The following C11orf58 variants were observed in gnomAD, a reference collection of about 807,000 sequenced individuals.
C11orf58 encodes the protein chromosome 11 open reading frame 58.
In C11orf58, 5 loss-of-function variants were observed where a neutral mutation model predicts 22.7. The observed-to-expected ratio is 0.22, with a 90% CI of 0.12 to 0.46. The LOEUF (loss-of-function observed/expected upper bound fraction) is 0.46. C11orf58 is among the 20% of genes least tolerant of loss of function. C11orf58 has a pLI of 0.99. For missense variants in C11orf58, 151 were observed against 223.3 expected, an observed-to-expected ratio of 0.68 and a Z score of 2.06; for synonymous variants, 71 against 70.7, an observed-to-expected ratio of 1.00 and a Z score of -0.02.
chr11:16,754,513 T>C (rs1420128050), intron 4 of C11orf58, among the ~76,000 whole-genome samples: 1 of 63,284 alleles, frequency 1.6e-5, no homozygotes, highest in South Asian at 3.6e-4. Flanking sequence ...TTCTTTTTTC[T>C]TTTTTTTTTT....
rs1159434088 is a variant in C11orf58, at chr11:16,738,808, T to C, written c.30T>C (p.His10=). ...GTGCTGCCAGAGAGTCTCACCCGCA[T>C]GGGGTGAAGCGTTCAGCCTCCCCAG... MSAARESHP[H]GVKRSASPDD... The change falls in exon 1 of 5, where the codon CAT becomes CAC. Residue 10 remains histidine (H), a synonymous_variant. Transcript: ENST00000228136. 5 of 1,613,954 alleles carry C rather than the reference T, an allele frequency of 3.1e-6. No homozygotes were observed. The South Asian group carries it at 4.4e-5, about 14-fold the overall frequency.
At chr11:16,743,166 GGT>G (rs922312063) in intron 1 of C11orf58, among the ~76,000 whole-genome samples, 1 of 151,990 alleles carries the variant, frequency 6.6e-6, no homozygotes, top group African/African-American at 2.4e-5. Flanking sequence ...TGATAAATTC[GGT>G]GAATATTTTT....
intron 2 of C11orf58, among the ~76,000 whole-genome samples, chr11:16,745,167 G>C (rs1046105836): frequency 6.6e-6 from 1 of 152,162 alleles, no homozygotes; most frequent in African/African-American, 2.4e-5. Flanking sequence ...TTTGTTACTA[G>C]ATAGAGAAGT....
intron 1 of C11orf58, among the ~76,000 whole-genome samples, chr11:16,743,696 A>C (rs932886224): frequency 6.6e-6 from 1 of 152,238 alleles, no homozygotes; most frequent in South Asian, 2.1e-4. Context: ...TGATGATGAA[A>C]TACTTTGGAC....
intron 1 of C11orf58, among the ~76,000 whole-genome samples, chr11:16,741,113 AT>A (rs1241932928): frequency 3.4e-5 from 5 of 146,358 alleles, no homozygotes; most frequent in Non-Finnish European, 6.1e-5. Flanking sequence ...AAAAAAAAAA[AT>A]CTAGTTATAA....
At position 16,758,254 on chromosome 11, in the gene C11orf58, T is replaced by C. The variant is rs1351082855; in HGVS notation, c.*3150T>C. ...TGGAAAATTCCCAGCCCTAGATGTA[T>C]CCAAGCCCTCCTACCCTCACCAGTT... On this transcript the variant is annotated 3_prime_UTR_variant, in exon 5 of 5. Transcript: ENST00000228136. Among the ~76,000 whole-genome samples the C allele has an allele frequency of 6.6e-6, 1 of 152,142 alleles. No homozygotes were observed. The highest frequency in any genetic ancestry group is 2.4e-5 in the African/African-American group (1 of 41,412).
At chr11:16,743,353 G>T (rs896574153) in intron 1 of C11orf58, among the ~76,000 whole-genome samples, 1 of 152,148 alleles carries the variant, frequency 6.6e-6, no homozygotes, top group Non-Finnish European at 1.5e-5. Context: ...ATTGCAAGAT[G>T]AAGTCCTTCC....
At chr11:16,739,732 G>A (rs1419289523) in intron 1 of C11orf58, 1 of 152,198 alleles carries the variant, frequency 6.6e-6, no homozygotes, top group Non-Finnish European at 1.5e-5. Flanking sequence ...GGGGAAAATT[G>A]TTGGAGAGAG....
At chr11:16,752,610 A>G in intron 3 of C11orf58, 175 bp from the exon 4 acceptor site, 1 of 410,638 alleles carries the variant, frequency 2.4e-6, no homozygotes, top group Non-Finnish European at 4.3e-6. Context: ...CTATCTCAAC[A>G]TCAGGCATTT....
Position 16,755,235 on chromosome 11 carries a change from G to A in C11orf58, c.*131G>A, listed in dbSNP as rs1376263898. 1.8e-6 allele frequency: 2 copies of A among 1,114,744 alleles called. No individual in the cohort carries two copies. Among genetic ancestry groups the A allele is most frequent in the Non-Finnish European group, 2.5e-6 (2 of 786,820 alleles). The allele number at this position is 1,114,744 out of a possible 1,614,324, so 69.1% of individuals were successfully genotyped here. A position where few individuals can be genotyped will look rare whatever the true frequency, so the allele number is the denominator to read the frequency against. ...GCCCTTTTAAATAATTACAAAGAGT[G>A]TTTGCTTTCAAATGCCATGGGTTAC... is the stretch of plus-strand genomic sequence containing the variant. On this transcript the variant is annotated 3_prime_UTR_variant, in exon 5 of 5. Coordinates refer to ENST00000228136, the MANE Select transcript of C11orf58 (RefSeq NM_014267.6).
In C11orf58 at chr11:16,758,099, C is replaced by T. The variant is rs1848596000; in HGVS notation, c.*2995C>T. Among the ~76,000 whole-genome samples, 1 of 152,222 alleles carries T rather than the reference C, an allele frequency of 6.6e-6. No individual in the cohort carries two copies. The highest frequency in any genetic ancestry group is 2.4e-5 in the African/African-American group (1 of 41,452). ...TAAAATCACTCAATAAAAGTATTCA[C>T]TTCTAACCAACTCCTCCTCCTTTAT... On this transcript the variant is annotated 3_prime_UTR_variant, in exon 5 of 5. Transcript: ENST00000228136.
chr11:16,744,742 G>T, intron 2 of C11orf58, 58 bp downstream of exon 2: 1 of 1,448,320 alleles, frequency 6.9e-7, no homozygotes, highest in Non-Finnish European at 9.7e-7. Flanking sequence ...CCATTTTTAT[G>T]TATGCTAAGT....
At chr11:16,739,019 G>C (rs1350947247) in intron 1 of C11orf58, among the ~76,000 whole-genome samples, 178 bp downstream of exon 1, 2 of 152,092 alleles carry the variant, frequency 1.3e-5, no homozygotes, top group Admixed American at 6.5e-5. Context: ...CAGAAGGTTT[G>C]AAGAGGCCCA....
At chr11:16,753,168 C>G (rs1848547155) in intron 4 of C11orf58, among the ~76,000 whole-genome samples, 1 of 151,940 alleles carries the variant, frequency 6.6e-6, no homozygotes, top group Admixed American at 6.6e-5. Context: ...TCTTCCACCT[C>G]GCGGGTTCAA....
chr11:16,744,589 T>A lies in C11orf58; in HGVS notation c.64-12T>A, dbSNP rs1240029476. 1 of 1,605,546 alleles carries A rather than the reference T, an allele frequency of 6.2e-7. No homozygotes were observed. The highest frequency in any genetic ancestry group is 1.1e-5 in the South Asian group (1 of 89,804). ...ATGCAAAAAAAATTTAATCAACCAATTTTTTTTCTAGCTGGGATCTAGCAA... is the reference window on the plus strand; with the variant it reads ...ATGCAAAAAAAATTTAATCAACCAAATTTTTTTCTAGCTGGGATCTAGCAA... On this transcript the variant is annotated splice_polypyrimidine_tract_variant and intron_variant, in intron 1 of 4. Coordinates refer to ENST00000228136, the MANE Select transcript of C11orf58 (RefSeq NM_014267.6).
chr11:16,742,063 A>T (rs1848452653), intron 1 of C11orf58, among the ~76,000 whole-genome samples: 1 of 152,194 alleles, frequency 6.6e-6, no homozygotes, highest in South Asian at 2.1e-4. Context: ...GGTCTTTGAA[A>T]AGAAGAACTG....
At position 16,738,826 on chromosome 11, in the gene C11orf58, C is replaced by T; in HGVS notation, c.48C>T (p.Ala16=). Residue 16 remains alanine, a synonymous_variant, in exon 1 of 5, where the codon GCC becomes GCT. Coordinates refer to ENST00000228136, the MANE Select transcript of C11orf58 (RefSeq NM_014267.6). Reference sequence around the variant, plus strand: ...ACCCGCATGGGGTGAAGCGTTCAGCCTCCCCAGACGACGATGTAAATAATA... The same window carrying T: ...ACCCGCATGGGGTGAAGCGTTCAGCTTCCCCAGACGACGATGTAAATAATA... ...ESHPHGVKRS[A]SPDDDLGSSN... 2 of 1,614,094 alleles carry T rather than the reference C, an allele frequency of 1.2e-6. No individual in the cohort carries two copies. The highest frequency in any genetic ancestry group is 2.2e-5 in the East Asian group (1 of 44,870).
At chr11:16,740,728 TAA>T (rs371437582) in intron 1 of C11orf58, among the ~76,000 whole-genome samples, 4 of 146,386 alleles carry the variant, frequency 2.7e-5, no homozygotes, top group African/African-American at 7.6e-5. Context: ...AGCCAGTACT[TAA>T]AAAAAAAATT....
Position 16,738,756 on chromosome 11 carries a change from T to C in C11orf58, c.-23T>C, listed in dbSNP as rs1848417274. On this transcript the variant is annotated 5_prime_UTR_variant, in exon 1 of 5. Coordinates refer to ENST00000228136, the MANE Select transcript of C11orf58 (RefSeq NM_014267.6). ...GAAGAGCGGCGAGAGGGTTCGGCATTTTTCGTCGGGATCCCCGCAAGGATG... is the reference window on the plus strand; with the variant it reads ...GAAGAGCGGCGAGAGGGTTCGGCATCTTTCGTCGGGATCCCCGCAAGGATG... 1.2e-6 allele frequency: 2 copies of C among 1,613,102 alleles called. No individual in the cohort carries two copies. Among genetic ancestry groups the C allele is most frequent in the African/African-American group, 1.3e-5 (1 of 74,708 alleles).
Sources: gnomAD v4.1 joint callset for allele counts (sites outside exome capture counted in the v4.1 genomes callset) on GRCh38, gnomAD v4.1.1 for gene constraint, MANE v1.5 for transcripts, NCBI Gene and HGNC (gene_info 2026-07-23, HGNC 2026-07-21) for gene names.